The following ACTR3C variants were observed in gnomAD, a reference collection of about 807,000 sequenced individuals.
The protein encoded by ACTR3C is actin related protein 3C, also known as actin-related protein 3C.
A neutral mutation model predicts 26.3 loss-of-function variants in ACTR3C; 18 were observed. The ratio of observed to expected loss-of-function variants is 0.68; its 90% CI spans 0.47 to 1.01. ACTR3C has a LOEUF of 1.01. ACTR3C is among the 50% of genes least tolerant of loss of function. The pLI, the probability that ACTR3C is intolerant of heterozygous loss-of-function variation, is 0.00. For missense variants in ACTR3C, 184 were observed against 250.7 expected (o/e 0.73, Z 1.80); for synonymous variants, 55 against 94.5 (o/e 0.58, Z 2.42).
chr7:149,995,242 T>C, the ACTR3C span, among the ~76,000 whole-genome samples: 2,341 of 147,034 alleles, frequency 0.016, 51 homozygotes, highest in African/African-American at 0.053. Context: ...CCTGTGACAA[T>C]ATTAAACATT....
chr7:150,212,784 G>A, the ACTR3C span, among the ~76,000 whole-genome samples: 3 of 152,074 alleles, frequency 2.0e-5, no homozygotes, highest in African/African-American at 4.8e-5. Context: ...CCTTCACTGC[G>A]TGCTCAGATG....
chr7:150,160,987 G>A, the ACTR3C span, among the ~76,000 whole-genome samples: 3 of 150,180 alleles, frequency 2.0e-5, no homozygotes, highest in Admixed American at 6.7e-5. Flanking sequence ...ATTTAAAAGG[G>A]GAGATAAGGT....
At chr7:150,250,027 G>A (rs191251022) in intron 6 of ACTR3C, among the ~76,000 whole-genome samples, 86 of 152,220 alleles carry the variant, frequency 5.6e-4, no homozygotes, top group African/African-American at 1.8e-3. Context: ...ATGGGGCCAG[G>A]GAGCTGCAGG....
At chr7:150,204,117 C>T in the ACTR3C span, among the ~76,000 whole-genome samples, 5,921 of 147,670 alleles carry the variant, frequency 0.04, 195 homozygotes, top group African/African-American at 0.079. Context: ...CAGGTTTCCT[C>T]TCAGCACAAG....
At chr7:150,053,212 A>G in the ACTR3C span, among the ~76,000 whole-genome samples, 1 of 150,690 alleles carries the variant, frequency 6.6e-6, no homozygotes, top group African/African-American at 2.4e-5. Flanking sequence ...TCATTTGACC[A>G]TAACCATGTT....
chr7:149,986,677 A>G, the ACTR3C span, among the ~76,000 whole-genome samples: 7 of 152,244 alleles, frequency 4.6e-5, no homozygotes, highest in Non-Finnish European at 8.8e-5. Context: ...TCATTTGGAG[A>G]ACACCAGGAT....
At chr7:149,933,312 A>G in the ACTR3C span, among the ~76,000 whole-genome samples, 1 of 151,380 alleles carries the variant, frequency 6.6e-6, no homozygotes, top group Non-Finnish European at 1.5e-5. Context: ...GCATCATTGC[A>G]CTAGCAAATC....
chr7:150,304,101 G>C (rs1405413893), intron 1 of ACTR3C, among the ~76,000 whole-genome samples: 4 of 152,228 alleles, frequency 2.6e-5, no homozygotes, highest in Non-Finnish European at 5.9e-5. Context: ...GAGAATAGGA[G>C]AGGAGGCGAC....
chr7:149,948,266 C>T, the ACTR3C span, among the ~76,000 whole-genome samples: 1 of 103,768 alleles, frequency 9.6e-6, no homozygotes, highest in African/African-American at 4.8e-5. Flanking sequence ...AGTGAGCAGG[C>T]TGTGAGCATC....
At chr7:150,038,128 G>C in the ACTR3C span, among the ~76,000 whole-genome samples, 1 of 142,954 alleles carries the variant, frequency 7.0e-6, no homozygotes, top group African/African-American at 2.6e-5. Context: ...GGGGGGAAGA[G>C]GGGATGGATC....
At chr7:150,092,047 C>G in the ACTR3C span, among the ~76,000 whole-genome samples, 1 of 122,930 alleles carries the variant, frequency 8.1e-6, no homozygotes, top group Admixed American at 8.9e-5. Context: ...AATTACTGTA[C>G]TTATTGCAGC....
chr7:150,237,902 GT>G, the ACTR3C span, among the ~76,000 whole-genome samples: 22,860 of 142,922 alleles, frequency 0.16, 3,677 homozygotes, highest in African/African-American at 0.41. Context: ...TCCCACGCAG[GT>G]TATTTTCCCT....
At chr7:150,196,103 A>G in the ACTR3C span, among the ~76,000 whole-genome samples, 1 of 152,214 alleles carries the variant, frequency 6.6e-6, no homozygotes, top group Admixed American at 6.5e-5. Context: ...TTTATAGAGT[A>G]TTCTTGAACT....
the ACTR3C span, among the ~76,000 whole-genome samples, chr7:150,014,154 T>C: frequency 6.6e-6 from 1 of 151,802 alleles, no homozygotes; most frequent in African/African-American, 2.4e-5. Context: ...ATCCAACTAG[T>C]CAATTAAATG....
the ACTR3C span, among the ~76,000 whole-genome samples, chr7:150,175,961 T>G: frequency 6.6e-6 from 1 of 150,626 alleles, no homozygotes; most frequent in Non-Finnish European, 1.5e-5. Context: ...ATTAAGTCCC[T>G]TTGCCATAAA....
At chr7:150,114,553 T>C in the ACTR3C span, among the ~76,000 whole-genome samples, 1 of 152,170 alleles carries the variant, frequency 6.6e-6, no homozygotes, top group African/African-American at 2.4e-5. Context: ...GAGGAAGACG[T>C]GATTGCATGA....
the ACTR3C span, among the ~76,000 whole-genome samples, chr7:149,928,594 C>T: frequency 6.6e-6 from 1 of 151,960 alleles, no homozygotes; most frequent in Non-Finnish European, 1.5e-5. Context: ...GTAATCCCAA[C>T]ACCTTGGGAG....
the ACTR3C span, among the ~76,000 whole-genome samples, chr7:150,040,997 T>C: frequency 6.6e-6 from 1 of 150,538 alleles, no homozygotes; most frequent in Non-Finnish European, 1.5e-5. Flanking sequence ...CCCTGTCTAG[T>C]TGTTTAGAGA....
At chr7:150,219,395 A>C in the ACTR3C span, among the ~76,000 whole-genome samples, 1 of 147,856 alleles carries the variant, frequency 6.8e-6, no homozygotes, top group African/African-American at 2.7e-5. Flanking sequence ...GGTTTAAAAA[A>C]ATATATAAAT....
Sources: allele counts gnomAD v4.1 joint callset (sites outside exome capture counted in the v4.1 genomes callset), GRCh38; gene constraint gnomAD v4.1.1; transcripts MANE v1.5; gene names NCBI Gene and HGNC (gene_info 2026-07-23, HGNC 2026-07-21).